Variants in ABI3BP observed in about 807,000 individuals in gnomAD.
The protein encoded by ABI3BP is target of Nesh-SH3.
A neutral mutation model predicts 268.6 loss-of-function variants in ABI3BP; 216 were observed. That is an observed-to-expected ratio of 0.80 (90% confidence interval 0.72 to 0.90). The LOEUF is 0.90. ABI3BP is among the 40% of genes least tolerant of loss of function. The pLI is 0.00. For missense variants in ABI3BP, 2,090 were observed against 2,182.4 expected (o/e 0.96, Z 0.84); for synonymous variants, 730 against 730.0 (o/e 1.00, Z 0.00).
At chr3:100,817,083 C>T (rs1254514258) in intron 42 of ABI3BP, among the ~76,000 whole-genome samples, 5 of 152,112 alleles carry the variant, frequency 3.3e-5, no homozygotes, top group African/African-American at 4.8e-5. Flanking sequence ...ACCATAAGAA[C>T]TGTTAGAGTT....
At chr3:100,762,919 C>T (rs932406123) in intron 63 of ABI3BP, among the ~76,000 whole-genome samples, 1 of 152,154 alleles carries the variant, frequency 6.6e-6, no homozygotes, top group Non-Finnish European at 1.5e-5. Context: ...TTTACAACTC[C>T]TAAGTCATGA....
At chr3:100,946,623 T>C (rs186654732) in intron 1 of ABI3BP, among the ~76,000 whole-genome samples, 4 of 151,818 alleles carry the variant, frequency 2.6e-5, no homozygotes, top group African/African-American at 9.7e-5. Flanking sequence ...ACCCTATCTC[T>C]ACTAAAAATA....
At chr3:100,824,794 G>T in intron 36 of ABI3BP, 64 bp downstream of exon 36, 2 of 1,373,534 alleles carry the variant, frequency 1.5e-6, no homozygotes, top group Non-Finnish European at 2.0e-6. Context: ...CATTGACACT[G>T]CTTCAGTCCC....
At chr3:100,852,076 A>T in intron 14 of ABI3BP, 136 bp from the exon 15 acceptor site, 1 of 740,966 alleles carries the variant, frequency 1.3e-6, no homozygotes, top group South Asian at 1.9e-5. Flanking sequence ...TTTTGGCTCC[A>T]GGCTGCCAGC....
intron 3 of ABI3BP, 91 bp downstream of exon 3, chr3:100,902,526 TC>T (rs2050929160): frequency 4.3e-6 from 5 of 1,157,878 alleles, no homozygotes; most frequent in Admixed American, 4.2e-5. Context: ...TTAAAGCTTC[TC>T]AAGGCATTTG....
At chr3:100,932,011 T>C (rs1324671309) in intron 1 of ABI3BP, among the ~76,000 whole-genome samples, 2 of 151,578 alleles carry the variant, frequency 1.3e-5, no homozygotes, top group Admixed American at 1.3e-4. Context: ...AACAGACACA[T>C]AGGCCAATGT....
At chr3:100,931,779 C>A (rs1210632324) in intron 1 of ABI3BP, among the ~76,000 whole-genome samples, 1 of 152,024 alleles carries the variant, frequency 6.6e-6, no homozygotes, top group Non-Finnish European at 1.5e-5. Flanking sequence ...GCCATACTGC[C>A]CACAGCAATG....
chr3:100,820,173 C>T, intron 40 of ABI3BP, 47 bp downstream of exon 40: 1 of 1,458,262 alleles, frequency 6.9e-7, no homozygotes, highest in South Asian at 1.2e-5. Context: ...TTATAAATTC[C>T]TGAGAGCAGC....
In ABI3BP at chr3:100,794,254, G is replaced by C. The variant is rs151252297; in HGVS notation, c.3946+669C>G. 3.6e-3 allele frequency among the ~76,000 whole-genome samples: 545 copies of C among 152,088 alleles called. 5 individuals are homozygous for C. The highest frequency in any genetic ancestry group is 5.3e-3 in the Non-Finnish European group (362 of 67,960). On this transcript the variant is annotated intron_variant, in intron 54 of 67. Coordinates refer to ENST00000471714, the MANE Select transcript of ABI3BP (RefSeq NM_001375547.2). Reference sequence around the variant, plus strand: ...TAATCCTAGGCACCCTGTCGGCTGAGTGTGTAGATTCTAATCCTGGCTCTG... The same window carrying C: ...TAATCCTAGGCACCCTGTCGGCTGACTGTGTAGATTCTAATCCTGGCTCTG...
Position 100,796,416 on chromosome 3 carries a change from G to T in ABI3BP, c.3810C>A (p.Ser1270Arg), listed in dbSNP as rs756163529. 3.8e-6 allele frequency: 6 copies of T among 1,590,672 alleles called. No homozygotes were observed. The highest frequency in any genetic ancestry group is 4.5e-5 in the East Asian group (2 of 44,246). The part of the protein sequence containing the change: ...PHKPYPEVSQ[S>R]EPVLQPVTFR... ...ATGAAATAATTAATTTACCAGGTTC[G>T]CTCTGAGAGACCTCAGGGTATGGTT... is the stretch of plus-strand genomic sequence containing the variant. Residue 1270 changes from serine to arginine, a missense_variant, in exon 52 of 68, where the codon AGC becomes AGA. Ser to Arg is a moderately radical substitution (Grantham distance 110). Transcript: ENST00000471714.
At chr3:100,914,082 A>AT (rs2057743416) in intron 2 of ABI3BP, among the ~76,000 whole-genome samples, 1 of 152,180 alleles carries the variant, frequency 6.6e-6, no homozygotes, top group Non-Finnish European at 1.5e-5. Context: ...ACAAACAAGT[A>AT]TTTTTTGAAA....
chr3:100,761,573 T>A (rs1200226764), intron 63 of ABI3BP, among the ~76,000 whole-genome samples: 1 of 152,132 alleles, frequency 6.6e-6, no homozygotes, highest in Non-Finnish European at 1.5e-5. Context: ...TTTGAGCTTC[T>A]GGCAGGCTAG....
chr3:100,932,523 A>T (rs1162472123), intron 1 of ABI3BP, among the ~76,000 whole-genome samples: 3 of 152,092 alleles, frequency 2.0e-5, no homozygotes, highest in Non-Finnish European at 4.4e-5. Flanking sequence ...ACCCCATTTT[A>T]AAAAATAGGC....
At chr3:100,852,939 A>G (rs2098874285) in intron 14 of ABI3BP, among the ~76,000 whole-genome samples, 1 of 152,240 alleles carries the variant, frequency 6.6e-6, no homozygotes, top group Non-Finnish European at 1.5e-5. Context: ...TAGAGAACAC[A>G]TGAATTATTA....
chr3:100,892,777 C>T (rs1017173467), intron 4 of ABI3BP, among the ~76,000 whole-genome samples: 5 of 152,122 alleles, frequency 3.3e-5, no homozygotes, highest in African/African-American at 1.2e-4. Context: ...CACTGTTGTG[C>T]ATAGAGGGGA....
intron 67 of ABI3BP, 96 bp from the exon 68 acceptor site, chr3:100,750,706 T>A: frequency 2.5e-6 from 2 of 792,118 alleles, no homozygotes; most frequent in Non-Finnish European, 4.0e-6. Flanking sequence ...AGCTGAAGGC[T>A]AATCTTAGTG....
chr3:100,757,951 C>G (rs981834567), intron 63 of ABI3BP, among the ~76,000 whole-genome samples: 12 of 152,126 alleles, frequency 7.9e-5, no homozygotes, highest in Non-Finnish European at 1.3e-4. Context: ...ATAAGACCTA[C>G]CACATCAAAA....
intron 2 of ABI3BP, among the ~76,000 whole-genome samples, chr3:100,924,815 T>C (rs1054566864): frequency 1.3e-5 from 2 of 152,142 alleles, no homozygotes; most frequent in Non-Finnish European, 2.9e-5. Flanking sequence ...ACTTTTCACC[T>C]TATATGGAAA....
Position 100,812,942 on chromosome 3 carries a change from A to G in ABI3BP, c.3365-419T>C, listed in dbSNP as rs145468437. Among the ~76,000 whole-genome samples the G allele has an allele frequency of 4.5e-4, 69 of 152,222 alleles. 1 individual carries two copies. The East Asian group carries it at 0.013, about 29-fold the overall frequency. ...TGTCAACCAGATGGAGTAGGGTGGC[A>G]TGAACATGGCTCACTGCAGTCTTGA... On this transcript the variant is annotated intron_variant, in intron 45 of 67. Transcript: ENST00000471714.
Sources: gnomAD v4.1 joint callset for allele counts (sites outside exome capture counted in the v4.1 genomes callset) on GRCh38, gnomAD v4.1.1 for gene constraint, MANE v1.5 for transcripts, NCBI Gene and HGNC (gene_info 2026-07-23, HGNC 2026-07-21) for gene names.